TRIM55: variants seen among roughly 807,000 people sequenced by gnomAD.
The protein encoded by TRIM55 is tripartite motif containing 55.
A neutral mutation model predicts 60.9 loss-of-function variants in TRIM55; 50 were observed. The ratio of observed to expected loss-of-function variants is 0.82; its 90% CI spans 0.65 to 1.04. The LOEUF is 1.04. Ranked by LOEUF, TRIM55 falls within the 50% of genes least tolerant of loss-of-function variation. TRIM55 has a pLI of 0.00. For synonymous variants in TRIM55, 237 were observed against 238.1 expected, an observed-to-expected ratio of 1.00 and a Z score of 0.04; for missense variants, 681 against 666.9, an observed-to-expected ratio of 1.02 and a Z score of -0.23.
At chr8:66,118,388 A>C in the TRIM55 span, among the ~76,000 whole-genome samples, 3 of 151,980 alleles carry the variant, frequency 2.0e-5, no homozygotes, top group East Asian at 5.8e-4. Flanking sequence ...AGTGCTTTTC[A>C]AGTTCATTTC....
At chr8:66,170,124 C>T (rs1811541681) in intron 9 of TRIM55, among the ~76,000 whole-genome samples, 1 of 152,112 alleles carries the variant, frequency 6.6e-6, no homozygotes. Flanking sequence ...TCCCATTACA[C>T]ATTCTAAGTG....
intron 8 of TRIM55, among the ~76,000 whole-genome samples, chr8:66,153,061 C>T (rs6472254): frequency 0.23 from 35,090 of 151,866 alleles, 8,136 homozygotes; most frequent in African/African-American, 0.6. Context: ...AAATAGCATA[C>T]AGAGTAAGAA....
intron 1 of TRIM55, 108 bp from the exon 2 acceptor site, chr8:66,128,196 C>T (rs1338332248): frequency 8.1e-6 from 9 of 1,108,812 alleles, no homozygotes; most frequent in African/African-American, 1.6e-5. Flanking sequence ...TTATGGCAAG[C>T]TTAAAGTAGA....
chr8:66,140,787 G>A (rs138647633), intron 4 of TRIM55, among the ~76,000 whole-genome samples: 3,448 of 152,322 alleles, frequency 0.023, 55 homozygotes, highest in Non-Finnish European at 0.035. Flanking sequence ...GGTTCTGCCC[G>A]GGGTTCGTTT....
chr8:66,133,685 A>G lies in TRIM55; in HGVS notation c.342-1305A>G, dbSNP rs531006448. Reference sequence around the variant, plus strand: ...CAGGGCTTCTCCCAATGTTTAGCCTAATCTCAAGTAATTGACGTCCACCTA... The same window carrying G: ...CAGGGCTTCTCCCAATGTTTAGCCTGATCTCAAGTAATTGACGTCCACCTA... On this transcript the variant is annotated intron_variant, in intron 2 of 9. Coordinates refer to ENST00000315962, the MANE Select transcript of TRIM55 (RefSeq NM_184085.2). Among the ~76,000 whole-genome samples the G allele has an allele frequency of 1.4e-3, 216 of 152,352 alleles. 2 individuals are homozygous for G. In the South Asian group the frequency reaches 0.043, roughly 30 times the overall value.
chr8:66,133,531 G>A (rs1809294453), intron 2 of TRIM55, among the ~76,000 whole-genome samples: 1 of 152,162 alleles, frequency 6.6e-6, no homozygotes, highest in Non-Finnish European at 1.5e-5. Context: ...TCCAAATAAT[G>A]TGGTCAAATC....
At chr8:66,116,940 T>C in the TRIM55 span, among the ~76,000 whole-genome samples, 2 of 152,052 alleles carry the variant, frequency 1.3e-5, no homozygotes, top group African/African-American at 2.4e-5. Flanking sequence ...CAACAACATA[T>C]AAAAAGGAAA....
At chr8:66,150,160 A>T in intron 5 of TRIM55, 57 bp from the exon 6 acceptor site, 1 of 1,579,130 alleles carries the variant, frequency 6.3e-7, no homozygotes, top group African/African-American at 1.4e-5. Flanking sequence ...TAATTGTCTT[A>T]CCACTGTCTT....
At chr8:66,120,004 G>T in the TRIM55 span, among the ~76,000 whole-genome samples, 1 of 152,122 alleles carries the variant, frequency 6.6e-6, no homozygotes, top group Non-Finnish European at 1.5e-5. Context: ...AGCTTAGTGG[G>T]TGAGGTCATG....
intron 4 of TRIM55, among the ~76,000 whole-genome samples, chr8:66,139,956 TATC>T (rs976074669): frequency 2.0e-5 from 3 of 152,328 alleles, no homozygotes; most frequent in Admixed American, 1.3e-4. Context: ...AAGATTATAA[TATC>T]ATATTTTTAC....
chr8:66,119,803 T>C, the TRIM55 span, among the ~76,000 whole-genome samples: 7 of 152,212 alleles, frequency 4.6e-5, no homozygotes, highest in African/African-American at 1.7e-4. Context: ...ATAACCACTA[T>C]CCACATGTGG....
chr8:66,121,180 C>T, the TRIM55 span, among the ~76,000 whole-genome samples: 6 of 152,178 alleles, frequency 3.9e-5, no homozygotes, highest in Non-Finnish European at 7.3e-5. Context: ...ATCTAATTTC[C>T]CCAGACATAC....
upstream of TRIM55, among the ~76,000 whole-genome samples, chr8:66,122,986 C>G (rs1173253044): frequency 6.6e-6 from 1 of 152,198 alleles, no homozygotes; most frequent in African/African-American, 2.4e-5. Context: ...TATAGAGAAT[C>G]CCTTCCTTTT....
chr8:66,161,520 G>T (rs1272915416), intron 9 of TRIM55, among the ~76,000 whole-genome samples: 2 of 151,868 alleles, frequency 1.3e-5, no homozygotes, highest in Non-Finnish European at 2.9e-5. Context: ...GCTCTTTTTT[G>T]GTTCTATATG....
At chr8:66,173,826 C>A (rs1811773139) in intron 9 of TRIM55, among the ~76,000 whole-genome samples, 1 of 151,904 alleles carries the variant, frequency 6.6e-6, no homozygotes, top group Non-Finnish European at 1.5e-5. Flanking sequence ...ATCTCAGGTG[C>A]CTACAAAAGA....
At chr8:66,141,406 C>G (rs540087263) in intron 4 of TRIM55, among the ~76,000 whole-genome samples, 1 of 152,290 alleles carries the variant, frequency 6.6e-6, no homozygotes, top group South Asian at 2.1e-4. Context: ...CTGGGCTGTT[C>G]CATGAGCCCA....
rs545535944 is a variant in TRIM55, at chr8:66,156,644, T to A, written c.1524+2310T>A. ...CTTGTTCCTGTAGCTCAAAGGCAGT[T>A]CAGGGTCAATGGTGCTGAAAAGCCT... is the stretch of plus-strand genomic sequence containing the variant. On this transcript the variant is annotated intron_variant, in intron 9 of 9. Coordinates refer to ENST00000315962, the MANE Select transcript of TRIM55 (RefSeq NM_184085.2). 2.0e-5 allele frequency among the ~76,000 whole-genome samples: 3 copies of A among 152,246 alleles called. No homozygotes were observed. In the South Asian group the frequency reaches 6.2e-4, roughly 32 times the overall value.
the TRIM55 span, among the ~76,000 whole-genome samples, chr8:66,118,999 T>G: frequency 6.6e-6 from 1 of 152,340 alleles, no homozygotes; most frequent in Admixed American, 6.5e-5. Flanking sequence ...TGCACAAGAT[T>G]AAGTGTTGAC....
chr8:66,141,677 A>C (rs373632275), intron 4 of TRIM55, among the ~76,000 whole-genome samples: 119 of 152,384 alleles, frequency 7.8e-4, no homozygotes, highest in African/African-American at 2.7e-3. Context: ...GCAGGCTGGC[A>C]GGCCTAGAAA....
Sources: allele counts gnomAD v4.1 joint callset (sites outside exome capture counted in the v4.1 genomes callset), GRCh38; gene constraint gnomAD v4.1.1; transcripts MANE v1.5; gene names NCBI Gene and HGNC (gene_info 2026-07-23, HGNC 2026-07-21).